The following ADHFE1 variants were observed in gnomAD, a reference collection of about 807,000 sequenced individuals.
ADHFE1 encodes hydroxyacid-oxoacid transhydrogenase, mitochondrial.
ADHFE1 carries 37 observed loss-of-function variants against 54.8 expected under a neutral mutation model. The observed-to-expected ratio is 0.68, with a 90% CI of 0.52 to 0.89. ADHFE1 has a LOEUF of 0.89. Among genes scored for constraint, ADHFE1 ranks in the 40% least tolerant of loss-of-function variants. ADHFE1 has a pLI of 0.00. For missense variants in ADHFE1, 601 were observed against 591.2 expected, an observed-to-expected ratio of 1.02 and a Z score of -0.17; for synonymous variants, 203 against 229.3, an observed-to-expected ratio of 0.89 and a Z score of 1.04.
intron 9 of ADHFE1, 117 bp from the exon 10 acceptor site, chr8:66,453,941 TC>T: frequency 6.5e-7 from 1 of 1,532,056 alleles, no homozygotes; most frequent in Non-Finnish European, 8.8e-7. Flanking sequence ...GCCTGATTTT[TC>T]TTCCTACCGA....
chr8:66,439,808 T>C lies in ADHFE1; in HGVS notation c.60-354T>C. On this transcript the variant is annotated intron_variant, in intron 1 of 13. Coordinates refer to ENST00000396623, the MANE Select transcript of ADHFE1 (RefSeq NM_144650.3). This position sits in a 1 kb window ranked among gnomAD's most constrained non-coding sequence, Gnocchi z 4.4. Reference sequence around the variant, plus strand: ...AACCTTGGGCCGATTTGGTCAACGCTCCTAACCCAGTAAGAGCTGGGGCTT... The same window carrying C: ...AACCTTGGGCCGATTTGGTCAACGCCCCTAACCCAGTAAGAGCTGGGGCTT... The C allele has an allele frequency of 9.1e-7, 1 of 1,104,626 alleles. No individual in the cohort carries two copies. The highest frequency in any genetic ancestry group is 1.1e-6 in the Non-Finnish European group (1 of 902,622). 68.4% of individuals were successfully genotyped at this position (1,104,626 alleles called of 1,614,324 possible). A position where few individuals can be genotyped will look rare whatever the true frequency, so the allele number is the denominator to read the frequency against.
chr8:66,447,148 A>C, intron 6 of ADHFE1, 116 bp from the exon 7 acceptor site: 2 of 729,012 alleles, frequency 2.7e-6, no homozygotes, highest in Non-Finnish European at 4.5e-6. Context: ...CATGCAAACA[A>C]GAGGGTCAGC....
chr8:66,450,776 C>T (rs1023820664), intron 8 of ADHFE1, among the ~76,000 whole-genome samples: 1 of 152,208 alleles, frequency 6.6e-6, no homozygotes, highest in Admixed American at 6.5e-5. Context: ...GTGGCCTCAC[C>T]GGCCACCCCA....
intron 4 of ADHFE1, 66 bp from the exon 5 acceptor site, chr8:66,444,528 G>T (rs534125222): frequency 6.2e-7 from 1 of 1,608,382 alleles, no homozygotes; most frequent in East Asian, 2.2e-5. Context: ...TGTACAACGT[G>T]AGTTTGCCAG....
chr8:66,460,605 G>A, intron 13 of ADHFE1, 140 bp downstream of exon 13: 1 of 1,006,874 alleles, frequency 9.9e-7, no homozygotes, highest in African/African-American at 1.6e-5. Context: ...GCAGACAGCA[G>A]TTCTGTCCTT....
chr8:66,447,317 T>C lies in ADHFE1; in HGVS notation c.604T>C (p.Tyr202His). The C allele has an allele frequency of 6.2e-7, 1 of 1,613,632 alleles. No individual in the cohort carries two copies. Among genetic ancestry groups the C allele is most frequent in the South Asian group, 1.1e-5 (1 of 90,992 alleles). ...SETTGVAIFD[Y>H]EHLKVKIGIT... ...AACTACTGGGGTTGCCATTTTTGAC[T>C]ATGAACACTTGAAAGTAAAAATTGG... Residue 202 changes from tyrosine to histidine, a missense_variant, in exon 7 of 14, where the codon TAT becomes CAT. Physicochemically the swap from Tyr to His is moderately conservative, Grantham distance 83 (BLOSUM62 2). Transcript: ENST00000396623.
intron 13 of ADHFE1, among the ~76,000 whole-genome samples, chr8:66,465,007 G>A (rs1007642146): frequency 2.6e-5 from 4 of 152,166 alleles, no homozygotes; most frequent in African/African-American, 9.7e-5. Flanking sequence ...CCAGCACAGT[G>A]CCTTTAGTGT....
At chr8:66,432,944 C>A (rs545183007) in intron 1 of ADHFE1, 2 of 1,016,122 alleles carry the variant, frequency 2.0e-6, no homozygotes, top group South Asian at 4.7e-5. Flanking sequence ...AAAAACTATT[C>A]TAGGTTCTGG....
rs1182320706 is a variant in ADHFE1, at chr8:66,432,531, C to A, written c.15C>A (p.Ala5=). ...CTCCAAGCGCCATGGCCGCTGCCGC[C>A]CGAGCCCGGGTCGCGTACTTGCTGA... MAAA[A]RARVAYLLRQ... The change falls in exon 1 of 14, where the codon GCC becomes GCA. Residue 5 remains alanine, a synonymous_variant. Transcript: ENST00000396623. The A allele has an allele frequency of 7.3e-7, 1 of 1,361,476 alleles. No homozygotes were observed. The allele number at this position is 1,361,476 out of a possible 1,614,324, so 84.3% of individuals were successfully genotyped here. A position where few individuals can be genotyped will look rare whatever the true frequency, so the allele number is the denominator to read the frequency against.
In ADHFE1 at chr8:66,444,319, G is replaced by A. The variant is rs564196703; in HGVS notation, c.145-48G>A. 5.7e-6 allele frequency: 9 copies of A among 1,573,730 alleles called. No individual in the cohort carries two copies. The South Asian group carries it at 8.9e-5, about 16-fold the overall frequency. ...ATTTCAGGTTTTTAGAAATGGACTG[G>A]CCAACTCTCAAATACTCCCTACACC... is the stretch of plus-strand genomic sequence containing the variant. On this transcript the variant is annotated intron_variant, in intron 3 of 13. Transcript: ENST00000396623.
intron 2 of ADHFE1, among the ~76,000 whole-genome samples, chr8:66,441,786 G>A (rs1301924596): frequency 6.6e-6 from 1 of 151,880 alleles, no homozygotes; most frequent in Admixed American, 6.6e-5. Context: ...CACGAGGTCA[G>A]CATTGTGAAA....
chr8:66,435,968 T>A (rs1805443972), intron 1 of ADHFE1, among the ~76,000 whole-genome samples: 1 of 145,354 alleles, frequency 6.9e-6, no homozygotes, highest in Non-Finnish European at 1.5e-5. Flanking sequence ...CAGGCTGGAG[T>A]ACAGTGGTGT....
intron 13 of ADHFE1, among the ~76,000 whole-genome samples, chr8:66,466,718 A>G (rs527355548): frequency 6.9e-4 from 105 of 152,364 alleles, no homozygotes; most frequent in Admixed American, 2.4e-3. Flanking sequence ...GTATGAAGGA[A>G]AACCTGCATA....
At chr8:66,451,910 A>G (rs772948238) in intron 8 of ADHFE1, 43 bp from the exon 9 acceptor site, 2 of 1,600,986 alleles carry the variant, frequency 1.2e-6, no homozygotes, top group Non-Finnish European at 1.7e-6. Context: ...GGAAGGAGGA[A>G]GATGACGCTT....
intron 2 of ADHFE1, among the ~76,000 whole-genome samples, chr8:66,441,733 A>G (rs12541243): frequency 0.066 from 10,103 of 152,252 alleles, 479 homozygotes; most frequent in East Asian, 0.16. Flanking sequence ...ACGGTGGCTC[A>G]CACCCATAAT....
chr8:66,435,593 A>G (rs906977849), intron 1 of ADHFE1, among the ~76,000 whole-genome samples: 4 of 126,916 alleles, frequency 3.2e-5, no homozygotes, highest in Non-Finnish European at 4.9e-5. Context: ...TAATCTCCTC[A>G]TTTCAAGATT....
intron 7 of ADHFE1, among the ~76,000 whole-genome samples, chr8:66,447,730 G>T (rs761473209): frequency 6.6e-6 from 1 of 152,136 alleles, no homozygotes; most frequent in Non-Finnish European, 1.5e-5. Flanking sequence ...CCTTTTCCAA[G>T]TACATATAAA....
At chr8:66,461,945 C>T (rs1239222582) in intron 13 of ADHFE1, among the ~76,000 whole-genome samples, 1 of 151,956 alleles carries the variant, frequency 6.6e-6, no homozygotes, top group East Asian at 1.9e-4. Flanking sequence ...CTAACCCATA[C>T]GTCCAAGGGA....
Position 66,439,807 on chromosome 8 carries a change from C to G in ADHFE1, c.60-355C>G. On this transcript the variant is annotated intron_variant, in intron 1 of 13. Transcript: ENST00000396623. This position sits in a 1 kb window ranked among gnomAD's most constrained non-coding sequence, Gnocchi z 4.4. Reference sequence around the variant, plus strand: ...TAACCTTGGGCCGATTTGGTCAACGCTCCTAACCCAGTAAGAGCTGGGGCT... The same window carrying G: ...TAACCTTGGGCCGATTTGGTCAACGGTCCTAACCCAGTAAGAGCTGGGGCT... The G allele has an allele frequency of 1.8e-6, 2 of 1,100,270 alleles. No homozygotes were observed. Among genetic ancestry groups the G allele is most frequent in the Non-Finnish European group, 2.2e-6 (2 of 899,736 alleles). 68.2% of individuals were successfully genotyped at this position (1,100,270 alleles called of 1,614,324 possible).
Sources: gnomAD v4.1 joint callset for allele counts (sites outside exome capture counted in the v4.1 genomes callset) on GRCh38, gnomAD v4.1.1 for gene constraint, Gnocchi (gnomAD v3.1) non-coding constraint, MANE v1.5 for transcripts, NCBI Gene and HGNC (gene_info 2026-07-23, HGNC 2026-07-21) for gene names.